The following KCNT1 variants were observed in gnomAD, a reference collection of about 807,000 sequenced individuals.
The protein encoded by KCNT1 is potassium sodium-activated channel subfamily T member 1.
A neutral mutation model predicts 147.8 loss-of-function variants in KCNT1; 78 were observed. The observed-to-expected ratio is 0.53, with a 90% CI of 0.44 to 0.64. The LOEUF is 0.64. Among genes scored for constraint, KCNT1 ranks in the 30% least tolerant of loss-of-function variants. The pLI is 0.00. For missense variants in KCNT1, 1,419 were observed against 1,750.3 expected (o/e 0.81, Z 3.38); for synonymous variants, 867 against 748.8 (o/e 1.16, Z -2.58).
chr9:135,725,540 AC>A (rs1162612512), intron 2 of KCNT1, among the ~76,000 whole-genome samples: 1 of 152,192 alleles, frequency 6.6e-6, no homozygotes, highest in Non-Finnish European at 1.5e-5. Flanking sequence ...GGACCTGCCA[AC>A]ACCAGGATTT....
Position 135,730,646 on chromosome 9 carries a change from G to A in KCNT1, c.254+15926G>A, listed in dbSNP as rs1306572592. Among the ~76,000 whole-genome samples, 1 of 152,126 alleles carries A rather than the reference G, an allele frequency of 6.6e-6. No homozygotes were observed. The highest frequency in any genetic ancestry group is 1.9e-4 in the East Asian group (1 of 5,192). On this transcript the variant is annotated intron_variant, in intron 2 of 30. Transcript: ENST00000371757. The surrounding 1 kb of genome is among the most constrained non-coding windows in gnomAD (Gnocchi z 4.7). ...GACTCCAGAAGGAGCCAGCCCTGCC[G>A]GCACTTCAGGCTTGGGATTTCGGAC...
At chr9:135,725,297 T>C (rs763140136) in intron 2 of KCNT1, among the ~76,000 whole-genome samples, 4 of 152,164 alleles carry the variant, frequency 2.6e-5, no homozygotes, top group Non-Finnish European at 5.9e-5. Context: ...AGAATGTGGC[T>C]TATGTAGAAA....
At chr9:135,734,269 C>T (rs957417352) in intron 2 of KCNT1, among the ~76,000 whole-genome samples, 2 of 152,190 alleles carry the variant, frequency 1.3e-5, no homozygotes, top group Non-Finnish European at 2.9e-5. Context: ...GCTCTGTGGA[C>T]CCCGAGCCTG....
intron 2 of KCNT1, among the ~76,000 whole-genome samples, chr9:135,739,826 C>G (rs947454054): frequency 1.3e-5 from 2 of 152,226 alleles, no homozygotes; most frequent in East Asian, 3.9e-4. Context: ...TTATCCTTGA[C>G]CCAGGAGCGT....
chr9:135,750,245 C>A lies in KCNT1; in HGVS notation c.334+68C>A. ...TTGAGGGCGCCGGGAGCAAGCCTGG[C>A]GATGGCGAAGGCTGGGGCTGTGAGC... On this transcript the variant is annotated intron_variant, in intron 3 of 30. Transcript: ENST00000371757. 3 of 1,261,384 alleles carry A rather than the reference C, an allele frequency of 2.4e-6. No homozygotes were observed. The South Asian group carries it at 3.6e-5, about 15-fold the overall frequency. The allele number at this position is 1,261,384 out of a possible 1,614,324, so 78.1% of individuals were successfully genotyped here.
chr9:135,745,178 T>C (rs900447942), intron 2 of KCNT1, among the ~76,000 whole-genome samples: 1 of 152,182 alleles, frequency 6.6e-6, no homozygotes, highest in Non-Finnish European at 1.5e-5. Context: ...TGGATGAGAA[T>C]GGACACAGGA....
rs1188425438 is a variant in KCNT1 at position 135,772,751 on chromosome 9, G to A, written c.2045G>A (p.Arg682Gln). ...ATGGACCTGCAGGGCACAGAGCACCGGCCTACGCAGAGCGGCGGTGGGGGC... is the reference window on the plus strand; with the variant it reads ...ATGGACCTGCAGGGCACAGAGCACCAGCCTACGCAGAGCGGCGGTGGGGGC... ...VAMDLQGTEH[R>Q]PTQSGGGGGG... The change falls in exon 19 of 31, where the codon CGG (arginine) becomes CAG (glutamine). Residue 682 changes from arginine (R) to glutamine (Q), a missense_variant. Physicochemically the swap from Arg to Gln is conservative, Grantham distance 43. Coordinates refer to ENST00000371757, the MANE Select transcript of KCNT1 (RefSeq NM_020822.3). 21 of 1,461,866 alleles carry A rather than the reference G, an allele frequency of 1.4e-5. No individual in the cohort carries two copies. The highest frequency in any genetic ancestry group is 5.7e-5 in the South Asian group (4 of 70,030). The allele number at this position is 1,461,866 out of a possible 1,614,324, so 90.6% of individuals were successfully genotyped here.
chr9:135,789,468 G>A (rs951100843), intron 29 of KCNT1: 1 of 152,380 alleles, frequency 6.6e-6, no homozygotes, highest in Non-Finnish European at 1.5e-5. Context: ...CACACAGCGG[G>A]AGGAGGCACC....
At chr9:135,719,193 G>A (rs1010865779) in intron 2 of KCNT1, among the ~76,000 whole-genome samples, 10 of 152,184 alleles carry the variant, frequency 6.6e-5, no homozygotes, top group African/African-American at 1.9e-4. Flanking sequence ...AGAGTGTCCC[G>A]GAAGCCTAAG....
intron 2 of KCNT1, among the ~76,000 whole-genome samples, chr9:135,722,260 C>T (rs1033055413): frequency 6.6e-6 from 1 of 152,204 alleles, no homozygotes; most frequent in Admixed American, 6.5e-5. Context: ...GGGCGAATCC[C>T]GCGTCCCCTG....
At chr9:135,755,632 C>T (rs1249907700) in intron 6 of KCNT1, among the ~76,000 whole-genome samples, 1 of 151,464 alleles carries the variant, frequency 6.6e-6, no homozygotes, top group African/African-American at 2.4e-5. Context: ...AGGACAGACC[C>T]AGGCTCAGTA....
At position 135,793,902 on chromosome 9, in the gene KCNT1, T is replaced by G. The variant is rs1223293022; in HGVS notation, c.*1741T>G. On this transcript the variant is annotated 3_prime_UTR_variant, in exon 31 of 31. Coordinates refer to ENST00000371757, the MANE Select transcript of KCNT1 (RefSeq NM_020822.3). The stretch of plus-strand genomic sequence containing the variant: ...AGCCTGTCCCAGCAGGGCTGGGGTC[T>G]ATCACGTTCCTGGGATCCAAGCAGC... The G allele has an allele frequency of 6.6e-6, 1 of 152,376 alleles. No individual in the cohort carries two copies. The highest frequency in any genetic ancestry group is 1.5e-5 in the Non-Finnish European group (1 of 68,174). 9.4% of individuals were successfully genotyped at this position (152,376 alleles called of 1,614,324 possible).
At chr9:135,763,489 G>A (rs115832828) in intron 11 of KCNT1, among the ~76,000 whole-genome samples, 4,028 of 152,264 alleles carry the variant, frequency 0.026, 176 homozygotes, top group African/African-American at 0.092. Context: ...TGTATCCTCC[G>A]CCAGCCCTGG....
At chr9:135,785,509 A>ACT in intron 28 of KCNT1, 179 bp downstream of exon 28, 1 of 765,588 alleles carries the variant, frequency 1.3e-6, no homozygotes, top group East Asian at 2.7e-5. Context: ...GGCTGTTGAC[A>ACT]CTCACTCCCT....
At chr9:135,702,451 C>A in intron 1 of KCNT1, 83 bp downstream of exon 1, 2 of 1,109,404 alleles carry the variant, frequency 1.8e-6, no homozygotes, top group Non-Finnish European at 2.7e-6. Flanking sequence ...CTCCCGCACC[C>A]TCCAGGACCC....
chr9:135,771,170 GACC>G, intron 18 of KCNT1, 75 bp downstream of exon 18: 6 of 1,360,522 alleles, frequency 4.4e-6, no homozygotes, highest in Non-Finnish European at 6.1e-6. Context: ...ACCGGCAGGT[GACC>G]AGGTGGGATG....
intron 2 of KCNT1, among the ~76,000 whole-genome samples, chr9:135,741,016 G>A (rs1356941842): frequency 6.6e-6 from 1 of 151,084 alleles, no homozygotes; most frequent in Non-Finnish European, 1.5e-5. Context: ...GGCCAGCAAA[G>A]CCCCAGGTCC....
chr9:135,731,987 TATATAGAGAGAGAGAGAGAGAGAGAGAG>T (rs1836476801), intron 2 of KCNT1, among the ~76,000 whole-genome samples: 2 of 21,840 alleles, frequency 9.2e-5, no homozygotes, highest in Non-Finnish European at 1.7e-4. Flanking sequence ...TATATATATA[TATATAGAGAGAGAGAGAGAGAGAGAGAG>T]AGAGAGAGAG....
At chr9:135,731,991 TAGAG>T (rs1189149987) in intron 2 of KCNT1, among the ~76,000 whole-genome samples, 276 of 21,398 alleles carry the variant, frequency 0.013, 1 homozygote, top group Non-Finnish European at 0.018. Flanking sequence ...TATATATATA[TAGAG>T]AGAGAGAGAG....
Sources: allele counts gnomAD v4.1 joint callset (sites outside exome capture counted in the v4.1 genomes callset), GRCh38; gene constraint gnomAD v4.1.1; non-coding constraint Gnocchi (gnomAD v3.1); transcripts MANE v1.5; gene names NCBI Gene and HGNC (gene_info 2026-07-23, HGNC 2026-07-21).